The following ZC3H12D variants were observed in gnomAD, a reference collection of about 807,000 sequenced individuals.
ZC3H12D encodes probable ribonuclease ZC3H12D.
ZC3H12D carries 11 observed loss-of-function variants against 24.2 expected under a neutral mutation model. That is an observed-to-expected ratio of 0.46 (90% CI 0.29 to 0.75). The LOEUF is 0.75. Ranked by LOEUF, ZC3H12D falls within the 30% of genes least tolerant of loss-of-function variation. The pLI is 0.11. For synonymous variants in ZC3H12D, 333 were observed against 341.8 expected (o/e 0.97, Z 0.28); for missense variants, 740 against 767.7 (o/e 0.96, Z 0.43).
rs1775839953 is a variant in ZC3H12D, at chr6:149,449,437, C to CT, written c.*1245dup. 1.3e-5 allele frequency: 2 copies of CT among 150,280 alleles called. 1 individual carries two copies. Among genetic ancestry groups the CT allele is most frequent in the South Asian group, 4.3e-4 (2 of 4,704 alleles). 9.3% of individuals were successfully genotyped at this position (150,280 alleles called of 1,614,324 possible). On this transcript the variant is annotated 3_prime_UTR_variant, in exon 6 of 6. Transcript: ENST00000409806. ...CCAGACAGAGTGACAGAGTGAGACT[C>CT]TGTCTTTTTTTTTTTTTTAAGACGG... is the stretch of plus-strand genomic sequence containing the variant.
chr6:149,479,704 T>A (rs1776394745), intron 1 of ZC3H12D, among the ~76,000 whole-genome samples: 1 of 152,148 alleles, frequency 6.6e-6, no homozygotes, highest in African/African-American at 2.4e-5. Flanking sequence ...TTTAATGGAT[T>A]TGTTTTTTTA....
intron 3 of ZC3H12D, among the ~76,000 whole-genome samples, chr6:149,461,055 T>G (rs1776064661): frequency 1.3e-5 from 2 of 152,098 alleles, no homozygotes; most frequent in South Asian, 4.1e-4. Flanking sequence ...GAATTAAAAA[T>G]GAAGAGGCTG....
At chr6:149,481,376 ATT>A (rs759834200) in intron 1 of ZC3H12D, among the ~76,000 whole-genome samples, 28 of 142,498 alleles carry the variant, frequency 2.0e-4, no homozygotes, top group Admixed American at 2.1e-4. Context: ...GTGGCTTAGC[ATT>A]TTTTTTTTTT....
At position 149,474,279 on chromosome 6, in the gene ZC3H12D, G is replaced by A. The variant is rs1315750605; in HGVS notation, c.265C>T (p.Leu89=). Reference sequence around the variant, plus strand: ...CTGCCATCAATCACTATGGGTCGCAGAGAACTGGCCAGGGTTCTGAAGTCC... The same window carrying A: ...CTGCCATCAATCACTATGGGTCGCAAAGAACTGGCCAGGGTTCTGAAGTCC... ...EEDFRTLASS[L]RPIVIDGSNV... Residue 89 remains leucine, a synonymous_variant, in exon 2 of 6, where the codon CTG becomes TTG. Coordinates refer to ENST00000409806, the MANE Select transcript of ZC3H12D (RefSeq NM_207360.3). 6.5e-7 allele frequency: 1 copy of A among 1,527,342 alleles called. No individual in the cohort carries two copies. The highest frequency in any genetic ancestry group is 1.4e-5 in the African/African-American group (1 of 72,158). The allele number at this position is 1,527,342 out of a possible 1,614,324, so 94.6% of individuals were successfully genotyped here. A position where few individuals can be genotyped will look rare whatever the true frequency, so the allele number is the denominator to read the frequency against.
intron 2 of ZC3H12D, among the ~76,000 whole-genome samples, chr6:149,464,883 G>A (rs1370400414): frequency 6.6e-6 from 1 of 152,104 alleles, no homozygotes; most frequent in Non-Finnish European, 1.5e-5. Flanking sequence ...TAAAGGGAGG[G>A]GCAAGGATAA....
intron 2 of ZC3H12D, among the ~76,000 whole-genome samples, chr6:149,471,567 G>T (rs1776243480): frequency 6.6e-6 from 1 of 152,262 alleles, no homozygotes; most frequent in Non-Finnish European, 1.5e-5. Context: ...GACCCTTTAA[G>T]TGTCTATTGA....
intron 3 of ZC3H12D, among the ~76,000 whole-genome samples, chr6:149,460,966 C>T (rs933445980): frequency 6.6e-6 from 1 of 152,070 alleles, no homozygotes; most frequent in African/African-American, 2.4e-5. Context: ...AGTGAGACTC[C>T]ATCTCAAAAC....
At chr6:149,451,804 A>G (rs1258187554) in intron 5 of ZC3H12D, among the ~76,000 whole-genome samples, 1 of 152,240 alleles carries the variant, frequency 6.6e-6, no homozygotes, top group African/African-American at 2.4e-5. Context: ...CTCTGGATTC[A>G]AAGACTTTCA....
chr6:149,480,753 A>C (rs1009312954), intron 1 of ZC3H12D, among the ~76,000 whole-genome samples: 1 of 151,906 alleles, frequency 6.6e-6, no homozygotes, highest in South Asian at 2.1e-4. Context: ...AACAAAAAAA[A>C]CAAACAAAAA....
At position 149,456,901 on chromosome 6, in the gene ZC3H12D, C is replaced by T; in HGVS notation, c.446-1G>A. The T allele has an allele frequency of 6.3e-7, 1 of 1,595,832 alleles. No homozygotes were observed. Among genetic ancestry groups the T allele is most frequent in the Non-Finnish European group, 8.5e-7 (1 of 1,174,834 alleles). On this transcript the variant is annotated splice_acceptor_variant, in intron 3 of 5. Coordinates refer to ENST00000409806, the MANE Select transcript of ZC3H12D (RefSeq NM_207360.3). LOFTEE classifies it high-confidence loss of function. This position sits in a 1 kb window ranked among gnomAD's most constrained non-coding sequence, Gnocchi z 4.3. Reference sequence around the variant, plus strand: ...TCCAGCTCCGCCAGCACGTGCTGCTCTGAGGGCGGGGCGACGGAGACGCGG... The same window carrying T: ...TCCAGCTCCGCCAGCACGTGCTGCTTTGAGGGCGGGGCGACGGAGACGCGG...
At chr6:149,451,505 C>G in intron 5 of ZC3H12D, 26 bp from the exon 6 acceptor site, 1 of 1,542,580 alleles carries the variant, frequency 6.5e-7, no homozygotes, top group Non-Finnish European at 8.7e-7. Context: ...GCAGAGAGGG[C>G]GCGACGTGAG....
Position 149,456,622 on chromosome 6 carries a change from C to CCCCCCCCCCCCCCCCCCCCGGGGGAGG in ZC3H12D, c.680+43_680+44insCCTCCCCCGGGGGGGGGGGGGGGGGGG. The CCCCCCCCCCCCCCCCCCCCGGGGGAGG allele has an allele frequency of 7.6e-7, 1 of 1,314,358 alleles. No homozygotes were observed. The highest frequency in any genetic ancestry group is 1.1e-6 in the Non-Finnish European group (1 of 921,306). The allele number at this position is 1,314,358 out of a possible 1,614,324, so 81.4% of individuals were successfully genotyped here. A position where few individuals can be genotyped will look rare whatever the true frequency, so the allele number is the denominator to read the frequency against. ...GGCCACTGCCTCGACCCCGGCCCCC[C>CCCCCCCCCCCCCCCCCCCCGGGGGAGG]GCCCCGCCGCCCCCCAGGGTGTCAG... On this transcript the variant is annotated intron_variant, in intron 4 of 5. Transcript: ENST00000409806. This position sits in a 1 kb window ranked among gnomAD's most constrained non-coding sequence, Gnocchi z 4.3.
intron 2 of ZC3H12D, among the ~76,000 whole-genome samples, chr6:149,471,222 C>T (rs1002985029): frequency 6.6e-6 from 1 of 152,236 alleles, no homozygotes; most frequent in African/African-American, 2.4e-5. Flanking sequence ...CCAAGCACGA[C>T]CAATGGCATT....
rs542949873 is a variant in ZC3H12D at position 149,456,123 on chromosome 6, G to A, written c.680+543C>T. Among the ~76,000 whole-genome samples, 15 of 150,954 alleles carry A rather than the reference G, an allele frequency of 9.9e-5. No homozygotes were observed. In the East Asian group the frequency reaches 1.2e-3, roughly 12 times the overall value. On this transcript the variant is annotated intron_variant, in intron 4 of 5. Transcript: ENST00000409806. The surrounding 1 kb of genome is among the most constrained non-coding windows in gnomAD (Gnocchi z 4.3). ...AAAAATTAGCCAGGCATGGTGGTGC[G>A]TGCCTATAATCTCAGCTACTCGGGA... is the stretch of plus-strand genomic sequence containing the variant.
chr6:149,482,834 G>C (rs1776446569), intron 1 of ZC3H12D, among the ~76,000 whole-genome samples: 1 of 152,176 alleles, frequency 6.6e-6, no homozygotes, highest in South Asian at 2.1e-4. Context: ...CTGAGGCAAA[G>C]AGCGGCTTTG....
chr6:149,455,033 G>T (rs2115002203), intron 4 of ZC3H12D, among the ~76,000 whole-genome samples: 1 of 152,342 alleles, frequency 6.6e-6, no homozygotes, highest in African/African-American at 2.4e-5. Flanking sequence ...TGATCTCAGA[G>T]GTGACATTAT....
At chr6:149,475,127 G>C (rs1271963851) in intron 1 of ZC3H12D, among the ~76,000 whole-genome samples, 1 of 152,134 alleles carries the variant, frequency 6.6e-6, no homozygotes, top group Admixed American at 6.5e-5. Flanking sequence ...CAGGGAGAAG[G>C]GAGAAAGCAA....
chr6:149,466,819 T>C (rs2115008343), intron 2 of ZC3H12D, among the ~76,000 whole-genome samples: 1 of 152,118 alleles, frequency 6.6e-6, no homozygotes, highest in South Asian at 2.1e-4. Context: ...GAAGTTTCAG[T>C]GAGCCGAGAT....
At chr6:149,461,810 C>T (rs1235491306) in intron 3 of ZC3H12D, 21 bp downstream of exon 3, 3 of 1,549,356 alleles carry the variant, frequency 1.9e-6, no homozygotes, top group Non-Finnish European at 8.7e-7. Context: ...ACCTCTTGAG[C>T]ATACATCTGC....
Sources: gnomAD v4.1 joint callset for allele counts (sites outside exome capture counted in the v4.1 genomes callset) on GRCh38, gnomAD v4.1.1 for gene constraint, Gnocchi (gnomAD v3.1) non-coding constraint, MANE v1.5 for transcripts, NCBI Gene and HGNC (gene_info 2026-07-23, HGNC 2026-07-21) for gene names.